ZNF91: variants seen among roughly 807,000 people sequenced by gnomAD.
ZNF91 encodes the protein zinc finger protein 91.
ZNF91 carries 7 observed loss-of-function variants against 12.6 expected under a neutral mutation model. The ratio of observed to expected loss-of-function variants is 0.55; its 90% CI spans 0.31 to 1.04. The LOEUF (loss-of-function observed/expected upper bound fraction) is 1.04, where lower values mean the gene tolerates loss of function less well. Among genes scored for constraint, ZNF91 ranks in the 50% least tolerant of loss-of-function variants. ZNF91 has a pLI of 0.05. For missense variants in ZNF91, 1,217 were observed against 1,385.4 expected (o/e 0.88, Z 1.93); for synonymous variants, 453 against 462.6 (o/e 0.98, Z 0.27).
intron 3 of ZNF91, among the ~76,000 whole-genome samples, chr19:23,367,577 T>C (rs1406775525): frequency 6.6e-6 from 1 of 152,128 alleles, no homozygotes; most frequent in African/African-American, 2.4e-5. Context: ...AAAATTTTGT[T>C]ACGAACTATA....
downstream of ZNF91, among the ~76,000 whole-genome samples, chr19:23,354,418 C>T (rs1400993417): frequency 6.6e-6 from 1 of 152,158 alleles, no homozygotes; most frequent in African/African-American, 2.4e-5. Context: ...ATTTAGCATC[C>T]CTTTATGATT....
chr19:23,332,540 G>A (rs1304468335), intron 1 of ZNF91, among the ~76,000 whole-genome samples: 2 of 152,058 alleles, frequency 1.3e-5, no homozygotes, highest in African/African-American at 2.4e-5. Context: ...GACACGATTC[G>A]TTCACCAAAC....
intron 1 of ZNF91, among the ~76,000 whole-genome samples, chr19:23,394,899 T>C (rs1970181781): frequency 6.6e-6 from 1 of 152,190 alleles, no homozygotes; most frequent in Non-Finnish European, 1.5e-5. Flanking sequence ...GATTAAATTA[T>C]TTAATCTTTT....
intron 1 of ZNF91, among the ~76,000 whole-genome samples, chr19:23,332,345 AT>A (rs71163487): frequency 0.017 from 2,597 of 150,576 alleles, 80 homozygotes; most frequent in African/African-American, 0.059. Context: ...CAGCATCCTA[AT>A]TTTTTTTTTA....
intron 1 of ZNF91, among the ~76,000 whole-genome samples, chr19:23,382,049 C>CAA (rs60814223): frequency 7.9e-4 from 63 of 79,368 alleles, no homozygotes; most frequent in African/African-American, 2.2e-3. Context: ...AATCCTGAGA[C>CAA]AAAAAAAAAA....
chr19:23,370,153 T>C lies in ZNF91; in HGVS notation c.253+3589A>G, dbSNP rs186891068. Among the ~76,000 whole-genome samples the C allele has an allele frequency of 3.2e-3, 484 of 152,200 alleles. 1 individual carries two copies. Among genetic ancestry groups the C allele is most frequent in the African/African-American group, 0.011 (467 of 41,546 alleles). On this transcript the variant is annotated intron_variant, in intron 3 of 3. Coordinates refer to ENST00000300619, the MANE Select transcript of ZNF91 (RefSeq NM_003430.4). ...CAAATACAGCAATTCCATTTATGAA[T>C]CTATATCTAAAATATGCATCATAAG...
At chr19:23,307,142 C>T (rs764311038) in intron 3 of ZNF91, 1 of 152,180 alleles carries the variant, frequency 6.6e-6, no homozygotes, top group Non-Finnish European at 1.5e-5. Flanking sequence ...TATTGCTGCA[C>T]TCAACACAAA....
intron 1 of ZNF91, chr19:23,325,484 T>C (rs917197253): frequency 5.3e-5 from 8 of 152,132 alleles, no homozygotes; most frequent in African/African-American, 1.9e-4. Flanking sequence ...TCTAACTCTA[T>C]ATTTTCACTT....
At chr19:23,353,399 C>A (rs1456208256), downstream of ZNF91, among the ~76,000 whole-genome samples, 1 of 152,092 alleles carries the variant, frequency 6.6e-6, no homozygotes, top group South Asian at 2.1e-4. Context: ...TAAAAAAATT[C>A]TTCAAACTGA....
At chr19:23,342,192 A>C (rs1968139192) in intron 3 of ZNF91, 2 of 555,872 alleles carry the variant, frequency 3.6e-6, no homozygotes, top group African/African-American at 1.8e-5. Context: ...CTACTGTCTC[A>C]TGTCTCTTCA....
At chr19:23,351,005 C>A (rs1968351636) in intron 3 of ZNF91, among the ~76,000 whole-genome samples, 1 of 152,114 alleles carries the variant, frequency 6.6e-6, no homozygotes, top group Admixed American at 6.6e-5. Context: ...GCAATCCGCA[C>A]CTGCCCAAGC....
chr19:23,358,887 A>G lies in ZNF91; in HGVS notation c.*516T>C. The G allele has an allele frequency of 5.2e-6, 1 of 193,654 alleles. No homozygotes were observed. Among genetic ancestry groups the G allele is most frequent in the Non-Finnish European group, 1.1e-5 (1 of 87,814 alleles). The allele number at this position is 193,654 out of a possible 1,614,324, so 12.0% of individuals were successfully genotyped here. A position where few individuals can be genotyped will look rare whatever the true frequency, so the allele number is the denominator to read the frequency against. On this transcript the variant is annotated 3_prime_UTR_variant, in exon 4 of 4. Coordinates refer to ENST00000300619, the MANE Select transcript of ZNF91 (RefSeq NM_003430.4). The stretch of plus-strand genomic sequence containing the variant: ...TGTAGAGTTTCTCTCCAGTATGAAT[A>G]ATATTATGTCTGTTAAGAATTCAGG...
At chr19:23,321,421 G>A (rs1967692293) in intron 1 of ZNF91, among the ~76,000 whole-genome samples, 1 of 152,120 alleles carries the variant, frequency 6.6e-6, no homozygotes. Flanking sequence ...TTCTGCCTGG[G>A]CCCAGCCTAA....
Position 23,368,562 on chromosome 19 carries a change from C to CTATATATATATA in ZNF91, c.253+5179_253+5180insTATATATATATA, listed in dbSNP as rs71163494. Among the ~76,000 whole-genome samples the CTATATATATATA allele has an allele frequency of 3.4e-4, 40 of 118,620 alleles. 3 individuals are homozygous for CTATATATATATA. Among genetic ancestry groups the CTATATATATATA allele is most frequent in the South Asian group, 1.6e-3 (5 of 3,090 alleles). The allele number at this position is 118,620 out of a possible 152,430, so 77.8% of individuals were successfully genotyped here. ...TCTCTCTCTCTCTCTCTCTCTCTCTCTATATATATATGAAACACATGACAT... is the reference window on the plus strand; with the variant it reads ...TCTCTCTCTCTCTCTCTCTCTCTCTCTATATATATATATATATATATATGAAACACATGACAT... On this transcript the variant is annotated intron_variant, in intron 3 of 3. Coordinates refer to ENST00000300619, the MANE Select transcript of ZNF91 (RefSeq NM_003430.4).
chr19:23,357,343 G>C (rs142556124), downstream of ZNF91, among the ~76,000 whole-genome samples: 22 of 152,314 alleles, frequency 1.4e-4, 1 homozygote, highest in African/African-American at 5.1e-4. Flanking sequence ...AACAGAATTT[G>C]CATGGGGAGA....
rs140057762 is a variant in ZNF91 at position 23,385,053 on chromosome 19, C to A, written c.30+10272G>T. 87 of 1,161,092 alleles carry A rather than the reference C, an allele frequency of 7.5e-5. No homozygotes were observed. In the African/African-American group the frequency reaches 1.2e-3, roughly 15 times the overall value. 71.9% of individuals were successfully genotyped at this position (1,161,092 alleles called of 1,614,324 possible). A position where few individuals can be genotyped will look rare whatever the true frequency, so the allele number is the denominator to read the frequency against. On this transcript the variant is annotated intron_variant, in intron 1 of 3. Transcript: ENST00000300619. Reference sequence around the variant, plus strand: ...AGGGAGACACCTCATGGGGCTCCAGCGGTTCCGCATCTCAGTCCAGACAGG... The same window carrying A: ...AGGGAGACACCTCATGGGGCTCCAGAGGTTCCGCATCTCAGTCCAGACAGG...
intron 3 of ZNF91, among the ~76,000 whole-genome samples, chr19:23,343,817 C>T (rs1968168441): frequency 6.6e-6 from 1 of 152,234 alleles, no homozygotes; most frequent in Non-Finnish European, 1.5e-5. Context: ...CGCCCACTGA[C>T]TTCTATCAGA....
rs563282102 is a variant in ZNF91, at chr19:23,358,322, T to C, written c.*1081A>G. The C allele has an allele frequency of 1.3e-5, 2 of 152,334 alleles. No homozygotes were observed. Among genetic ancestry groups the C allele is most frequent in the African/African-American group, 4.8e-5 (2 of 41,584 alleles). 9.4% of individuals were successfully genotyped at this position (152,334 alleles called of 1,614,324 possible). On this transcript the variant is annotated 3_prime_UTR_variant, in exon 4 of 4. Transcript: ENST00000300619. Reference sequence around the variant, plus strand: ...GTTTTTCTTTCATAATAATGCAGAATATTAATCTGAACATCTACCTCATGC... The same window carrying C: ...GTTTTTCTTTCATAATAATGCAGAACATTAATCTGAACATCTACCTCATGC...
chr19:23,379,319 T>C (rs1449253887), intron 1 of ZNF91, among the ~76,000 whole-genome samples: 3 of 152,172 alleles, frequency 2.0e-5, no homozygotes, highest in Admixed American at 6.5e-5. Context: ...GAGTAGAGCT[T>C]GGTTGGCACC....
Sources: allele counts gnomAD v4.1 joint callset (sites outside exome capture counted in the v4.1 genomes callset), GRCh38; gene constraint gnomAD v4.1.1; transcripts MANE v1.5; gene names NCBI Gene and HGNC (gene_info 2026-07-23, HGNC 2026-07-21).